MBOAT2: variants seen among roughly 807,000 people sequenced by gnomAD.
MBOAT2 encodes the protein membrane bound glycerophospholipid O-acyltransferase 2.
Under a neutral mutation model 63.4 loss-of-function variants are expected in MBOAT2, and 28 were observed. That is an observed-to-expected ratio of 0.44 (90% confidence interval 0.33 to 0.61). The LOEUF is 0.61. Among genes scored for constraint, MBOAT2 ranks in the 20% least tolerant of loss-of-function variants. The probability of loss-of-function intolerance (pLI) is 0.03; values close to 1 mark genes in which losing one functional copy is unlikely to be tolerated. For missense variants in MBOAT2, 470 were observed against 605.8 expected (o/e 0.78, Z 2.35); for synonymous variants, 211 against 215.6 (o/e 0.98, Z 0.19).
intron 3 of MBOAT2, among the ~76,000 whole-genome samples, chr2:8,910,334 G>A (rs1665628945): frequency 6.6e-6 from 1 of 152,114 alleles, no homozygotes; most frequent in South Asian, 2.1e-4. Context: ...TGGAGAGTGA[G>A]GCACTAAGGA....
chr2:8,880,583 C>G (rs1299819893), intron 6 of MBOAT2, among the ~76,000 whole-genome samples: 1 of 152,156 alleles, frequency 6.6e-6, no homozygotes, highest in Non-Finnish European at 1.5e-5. Flanking sequence ...CCTTCAAACA[C>G]GAAGATGGCC....
intron 4 of MBOAT2, among the ~76,000 whole-genome samples, chr2:8,902,543 G>A (rs577029263): frequency 7.4e-4 from 112 of 152,014 alleles, no homozygotes; most frequent in Middle Eastern, 3.4e-3. Flanking sequence ...GCAGACCTTC[G>A]TGGTGACTGT....
intron 3 of MBOAT2, among the ~76,000 whole-genome samples, chr2:8,920,149 T>C (rs1016290830): frequency 1.3e-5 from 2 of 152,162 alleles, no homozygotes; most frequent in Non-Finnish European, 2.9e-5. Flanking sequence ...ATTTCTCCTG[T>C]GTTGTCTTCT....
At chr2:8,864,690 G>T (rs1277688388) in intron 9 of MBOAT2, among the ~76,000 whole-genome samples, 2 of 151,948 alleles carry the variant, frequency 1.3e-5, no homozygotes, top group African/African-American at 4.8e-5. Flanking sequence ...TCTCAATTCT[G>T]GCGCTGCCTG....
At chr2:8,888,204 C>G (rs1311100660) in intron 4 of MBOAT2, 131 bp from the exon 5 acceptor site, 3 of 762,874 alleles carry the variant, frequency 3.9e-6, no homozygotes, top group Non-Finnish European at 6.4e-6. Flanking sequence ...AAAAGACCTC[C>G]AAGGGATTTC....
At chr2:8,887,979 A>C (rs766009323) in intron 5 of MBOAT2, 39 bp downstream of exon 5, 30 of 1,577,496 alleles carry the variant, frequency 1.9e-5, no homozygotes, top group African/African-American at 1.3e-4. Context: ...ATTGGAATTA[A>C]ATTTTTTCAG....
At chr2:8,972,062 C>T (rs1217061972) in intron 1 of MBOAT2, among the ~76,000 whole-genome samples, 1 of 152,180 alleles carries the variant, frequency 6.6e-6, no homozygotes, top group East Asian at 1.9e-4. Context: ...ATAGCCAAGA[C>T]AATCCTAAGC....
chr2:8,936,655 G>C (rs2103219083), intron 3 of MBOAT2, among the ~76,000 whole-genome samples: 1 of 152,058 alleles, frequency 6.6e-6, no homozygotes, highest in African/African-American at 2.4e-5. Flanking sequence ...AGTGGTGCAT[G>C]CCTGTAATCG....
At chr2:8,939,314 G>A (rs527626036) in intron 3 of MBOAT2, among the ~76,000 whole-genome samples, 6 of 152,206 alleles carry the variant, frequency 3.9e-5, no homozygotes, top group Non-Finnish European at 5.9e-5. Context: ...TGAACCCGAT[G>A]GAGGTCCGAA....
At chr2:8,874,751 C>T (rs1051207055) in intron 7 of MBOAT2, among the ~76,000 whole-genome samples, 2 of 152,192 alleles carry the variant, frequency 1.3e-5, no homozygotes. Flanking sequence ...ATGACAGAGA[C>T]TGCCAAGTGT....
chr2:8,898,525 T>A (rs1664657966), intron 4 of MBOAT2, among the ~76,000 whole-genome samples: 2 of 152,234 alleles, frequency 1.3e-5, no homozygotes, highest in South Asian at 4.1e-4. Context: ...CTAGTACCCT[T>A]GATTAGCTAG....
chr2:8,938,338 A>G (rs1667805128), intron 3 of MBOAT2, among the ~76,000 whole-genome samples: 1 of 151,278 alleles, frequency 6.6e-6, no homozygotes, highest in Non-Finnish European at 1.5e-5. Context: ...GTGTCACCCC[A>G]CCCCCACCAA....
chr2:8,866,815 C>T (rs1482853906), intron 9 of MBOAT2, among the ~76,000 whole-genome samples: 1 of 152,220 alleles, frequency 6.6e-6, no homozygotes, highest in Non-Finnish European at 1.5e-5. Context: ...CTATACTCCA[C>T]ATCCCCTCTA....
At chr2:8,971,622 C>T (rs1263451222) in intron 1 of MBOAT2, among the ~76,000 whole-genome samples, 1 of 152,146 alleles carries the variant, frequency 6.6e-6, no homozygotes, top group East Asian at 1.9e-4. Flanking sequence ...AAAACCCCAT[C>T]GTCTCAGCCC....
At chr2:8,926,793 G>A (rs147705619) in intron 3 of MBOAT2, among the ~76,000 whole-genome samples, 3 of 152,320 alleles carry the variant, frequency 2.0e-5, no homozygotes, top group African/African-American at 4.8e-5. Context: ...AGAGTAATGT[G>A]AGATGCAGGT....
chr2:8,884,306 A>G (rs2148543814), intron 5 of MBOAT2, among the ~76,000 whole-genome samples: 1 of 151,598 alleles, frequency 6.6e-6, no homozygotes, highest in Admixed American at 6.6e-5. Context: ...AATTTTCCTC[A>G]ATGATCACAT....
At chr2:8,915,655 A>C (rs1378352483) in intron 3 of MBOAT2, among the ~76,000 whole-genome samples, 2 of 152,182 alleles carry the variant, frequency 1.3e-5, no homozygotes, top group Non-Finnish European at 2.9e-5. Context: ...TTGATTTTTC[A>C]AGTTCACACA....
chr2:8,923,475 T>C (rs566025892), intron 3 of MBOAT2, among the ~76,000 whole-genome samples: 75 of 152,302 alleles, frequency 4.9e-4, no homozygotes, highest in African/African-American at 1.8e-3. Context: ...ATCATTACAG[T>C]TCTCCAGGCC....
chr2:8,944,518 A>C lies in MBOAT2; in HGVS notation c.222-1254T>G, dbSNP rs150337188. On this transcript the variant is annotated intron_variant, in intron 2 of 12. Coordinates refer to ENST00000305997, the MANE Select transcript of MBOAT2 (RefSeq NM_138799.4). ...GAATAACAGGCACCTCCAATGTGGA[A>C]AAGTTATGCAAAATTTTGAACACAT... Among the ~76,000 whole-genome samples, 7 of 152,330 alleles carry C rather than the reference A, an allele frequency of 4.6e-5. No individual in the cohort carries two copies. The East Asian group carries it at 1.4e-3, about 29-fold the overall frequency.
Sources: allele counts gnomAD v4.1 joint callset (sites outside exome capture counted in the v4.1 genomes callset), GRCh38; gene constraint gnomAD v4.1.1; transcripts MANE v1.5; gene names NCBI Gene and HGNC (gene_info 2026-07-23, HGNC 2026-07-21).